CHEK1: variants seen among roughly 807,000 people sequenced by gnomAD.
CHEK1 encodes serine/threonine-protein kinase Chk1.
A neutral mutation model predicts 60.2 loss-of-function variants in CHEK1; 32 were observed. The ratio of observed to expected loss-of-function variants is 0.53; its 90% CI spans 0.40 to 0.71. CHEK1 has a LOEUF of 0.71. CHEK1 is among the 30% of genes least tolerant of loss of function. The pLI is 0.00. For missense variants in CHEK1, 399 were observed against 564.6 expected (o/e 0.71, Z 2.97); for synonymous variants, 179 against 187.2 (o/e 0.96, Z 0.36).
chr11:125,679,933 CAA>C (rs1401994653), downstream of CHEK1, among the ~76,000 whole-genome samples: 1 of 152,046 alleles, frequency 6.6e-6, no homozygotes, highest in Non-Finnish European at 1.5e-5. Flanking sequence ...ATAATTAACA[CAA>C]GTTTTGATAA....
At chr11:125,643,953 A>G in intron 9 of CHEK1, 53 bp downstream of exon 9, 2 of 1,546,720 alleles carry the variant, frequency 1.3e-6, no homozygotes, top group Non-Finnish European at 1.8e-6. Flanking sequence ...CCCATGAAGA[A>G]TAATACATGT....
intron 12 of CHEK1, among the ~76,000 whole-genome samples, chr11:125,654,417 CATT>C (rs1941837203): frequency 6.6e-6 from 1 of 152,058 alleles, no homozygotes; most frequent in Admixed American, 6.6e-5. Context: ...TCAGTGATCA[CATT>C]AATATTTCGA....
Position 125,649,043 on chromosome 11 carries a change from C to G in CHEK1, c.1233+4400C>G, listed in dbSNP as rs147888567. Among the ~76,000 whole-genome samples, 409 of 152,292 alleles carry G rather than the reference C, an allele frequency of 2.7e-3. 1 individual carries two copies. The highest frequency in any genetic ancestry group is 8.9e-3 in the African/African-American group (369 of 41,542). On this transcript the variant is annotated intron_variant, in intron 11 of 12. Coordinates refer to ENST00000438015, the MANE Select transcript of CHEK1 (RefSeq NM_001114122.3). ...TGTTTACCAGGCTGGCCTTGACCTT[C>G]TGGGCTCAAGTGATCCTCCTGAGTA...
intron 13 of CHEK1, among the ~76,000 whole-genome samples, chr11:125,666,118 A>C (rs894633068): frequency 6.7e-6 from 1 of 149,840 alleles, no homozygotes; most frequent in Non-Finnish European, 1.5e-5. Context: ...CTGTTTTTTT[A>C]TGTAAGCATT....
downstream of CHEK1, among the ~76,000 whole-genome samples, chr11:125,661,294 TA>T (rs1942010208): frequency 6.6e-6 from 1 of 152,016 alleles, no homozygotes; most frequent in African/African-American, 2.4e-5. Context: ...TTTTTTGCCT[TA>T]AAAAATTTTT....
In CHEK1 at chr11:125,644,225, T is replaced by C; in HGVS notation, c.1058T>C (p.Met353Thr). The change falls in exon 10 of 13, where the codon ATG (methionine) becomes ACG (threonine). Residue 353 changes from methionine to threonine, a missense_variant. Physicochemically the swap from Met to Thr is moderately conservative, Grantham distance 81 (BLOSUM62 -1). Coordinates refer to ENST00000438015, the MANE Select transcript of CHEK1 (RefSeq NM_001114122.3). ...SFSQPTCPDH[M>T]LLNSQLLGTP... ...TCCCAGCCCACATGTCCTGATCATA[T>C]GCTTTTGAATAGTCAGTTACTTGGC... The C allele has an allele frequency of 6.2e-7, 1 of 1,614,030 alleles. No individual in the cohort carries two copies. The highest frequency in any genetic ancestry group is 8.5e-7 in the Non-Finnish European group (1 of 1,179,996).
chr11:125,640,462 AC>A (rs34705768), intron 8 of CHEK1, among the ~76,000 whole-genome samples: 24,328 of 148,846 alleles, frequency 0.16, 1,976 homozygotes, highest in East Asian at 0.2. Context: ...AATGGCGTGA[AC>A]CCCGGGGGGC....
Position 125,656,838 on chromosome 11 carries a change from CTGTT to C in CHEK1, c.*1521_*1524del, listed in dbSNP as rs1441086072. ...GACTTATCTAAAATAATAACCTCCTCTGTTTGCTGTGGGAATTTGTATAGAATGG... is the reference window on the plus strand; with the variant it reads ...GACTTATCTAAAATAATAACCTCCTCTGCTGTGGGAATTTGTATAGAATGG... On this transcript the variant is annotated 3_prime_UTR_variant, in exon 13 of 13. Coordinates refer to ENST00000438015, the MANE Select transcript of CHEK1 (RefSeq NM_001114122.3). The C allele has an allele frequency of 4.7e-6, 1 of 212,814 alleles. No homozygotes were observed. Among genetic ancestry groups the C allele is most frequent in the Non-Finnish European group, 9.5e-6 (1 of 105,220 alleles). The allele number at this position is 212,814 out of a possible 1,614,324, so 13.2% of individuals were successfully genotyped here.
At chr11:125,679,801 C>T (rs974139168), downstream of CHEK1, among the ~76,000 whole-genome samples, 1 of 152,150 alleles carries the variant, frequency 6.6e-6, no homozygotes, top group Non-Finnish European at 1.5e-5. Context: ...CAATCAGTGA[C>T]TTTCTAAATG....
chr11:125,667,196 C>G (rs142305756), intron 13 of CHEK1, among the ~76,000 whole-genome samples: 1 of 152,202 alleles, frequency 6.6e-6, no homozygotes, highest in Non-Finnish European at 1.5e-5. Flanking sequence ...CTATTGTTCT[C>G]ATCTTTACAT....
downstream of CHEK1, chr11:125,678,166 G>A (rs1248957549): frequency 6.2e-7 from 1 of 1,614,072 alleles, no homozygotes; most frequent in African/African-American, 1.3e-5. Flanking sequence ...AAAGTGTTCA[G>A]GCCTGAAGAA....
downstream of CHEK1, among the ~76,000 whole-genome samples, chr11:125,661,674 C>CTT (rs977201738): frequency 6.9e-6 from 1 of 145,964 alleles, no homozygotes; most frequent in African/African-American, 2.5e-5. Flanking sequence ...AATCTATATG[C>CTT]TTTTTTTTTT....
In CHEK1 at chr11:125,627,677, G is replaced by A. The variant is rs768467449; in HGVS notation, c.136G>A (p.Val46Ile). ...GAAGATTGTAGATATGAAGCGTGCC[G>A]TAGACTGTCCAGAAAATATTAAGAA... Reference protein sequence around the residue: ...AVKIVDMKRAVDCPENIKKEI... With the variant: ...AVKIVDMKRAIDCPENIKKEI... Residue 46 changes from valine to isoleucine, a missense_variant, in exon 3 of 13, where the codon GTA becomes ATA. By Grantham distance (29) the Val-to-Ile change is conservative (BLOSUM62 3). This residue lies in a region of CHEK1 where 370 missense variants were observed against 494.8 expected (regional missense o/e 0.75). Transcript: ENST00000438015. The A allele has an allele frequency of 3.2e-5, 51 of 1,613,780 alleles. No homozygotes were observed. In the East Asian group the frequency reaches 7.6e-4, roughly 24 times the overall value.
intron 11 of CHEK1, among the ~76,000 whole-genome samples, chr11:125,649,546 A>C (rs1235707341): frequency 6.6e-6 from 1 of 152,152 alleles, no homozygotes; most frequent in Non-Finnish European, 1.5e-5. Context: ...CAACATGGTG[A>C]AACCCCATCT....
downstream of CHEK1, chr11:125,678,418 G>C: frequency 8.3e-7 from 1 of 1,199,248 alleles, no homozygotes. Flanking sequence ...CCTAGATTGG[G>C]CACCTGAAGA....
At chr11:125,678,612 T>C (rs1827173360), downstream of CHEK1, among the ~76,000 whole-genome samples, 1 of 152,034 alleles carries the variant, frequency 6.6e-6, no homozygotes, top group African/African-American at 2.4e-5. Context: ...AAAATGAATG[T>C]GCCTCCCTGA....
intron 8 of CHEK1, among the ~76,000 whole-genome samples, chr11:125,641,413 T>C (rs1941299604): frequency 6.6e-6 from 1 of 151,994 alleles, no homozygotes; most frequent in South Asian, 2.1e-4. Flanking sequence ...TTCTCCACAC[T>C]CACTCCATTA....
downstream of CHEK1, among the ~76,000 whole-genome samples, chr11:125,677,436 G>T (rs1942565148): frequency 6.6e-6 from 1 of 152,180 alleles, no homozygotes; most frequent in Non-Finnish European, 1.5e-5. Flanking sequence ...TTAAGAGGCA[G>T]GGTTAGCATA....
chr11:125,631,763 CAGG>C (rs1474587331), intron 5 of CHEK1, among the ~76,000 whole-genome samples: 2 of 144,124 alleles, frequency 1.4e-5, no homozygotes, highest in African/African-American at 5.2e-5. Context: ...AAGGCTGAAG[CAGG>C]AGGATTGATC....
Sources: gnomAD v4.1 joint callset for allele counts (sites outside exome capture counted in the v4.1 genomes callset) on GRCh38, gnomAD v4.1.1 for gene constraint, gnomAD v4.1.1 regional missense constraint, MANE v1.5 for transcripts, NCBI Gene and HGNC (gene_info 2026-07-23, HGNC 2026-07-21) for gene names.